IL1R1: variants seen among roughly 807,000 people sequenced by gnomAD.
IL1R1 encodes the protein interleukin 1 receptor type 1.
A neutral mutation model predicts 50.2 loss-of-function variants in IL1R1; 22 were observed. The ratio of observed to expected loss-of-function variants is 0.44; its 90% confidence interval spans 0.31 to 0.63. The LOEUF (loss-of-function observed/expected upper bound fraction) is 0.63. IL1R1 is among the 20% of genes least tolerant of loss of function. IL1R1 has a pLI of 0.07. For synonymous variants in IL1R1, 251 were observed against 236.7 expected, an observed-to-expected ratio of 1.06 and a Z score of -0.55; for missense variants, 509 against 676.2, an observed-to-expected ratio of 0.75 and a Z score of 2.74.
chr2:102,174,972 T>C (rs1003493385), intron 10 of IL1R1, among the ~76,000 whole-genome samples: 17 of 152,206 alleles, frequency 1.1e-4, no homozygotes, highest in Admixed American at 8.5e-4. Context: ...TTAGAGCATC[T>C]GTTTATAAAT....
chr2:102,151,681 G>A (rs1193359870), intron 1 of IL1R1, among the ~76,000 whole-genome samples: 1 of 152,254 alleles, frequency 6.6e-6, no homozygotes, highest in African/African-American at 2.4e-5. Flanking sequence ...TTGCACCAGG[G>A]AGAGCCTGTG....
chr2:102,083,320 G>A (rs1679297801), intron 1 of IL1R1, among the ~76,000 whole-genome samples: 1 of 152,204 alleles, frequency 6.6e-6, no homozygotes, highest in Non-Finnish European at 1.5e-5. Flanking sequence ...TACTGACAGT[G>A]TCTAGAATAG....
chr2:102,107,576 G>A (rs1237288491), intron 1 of IL1R1, among the ~76,000 whole-genome samples: 1 of 151,932 alleles, frequency 6.6e-6, no homozygotes, highest in Non-Finnish European at 1.5e-5. Context: ...CACCAACATG[G>A]CACATGTATA....
rs961682026 is a variant in IL1R1 at position 102,072,226 on chromosome 2, C to T, written c.-84+1693C>T. Among the ~76,000 whole-genome samples, 7 of 150,404 alleles carry T rather than the reference C, an allele frequency of 4.7e-5. No individual in the cohort carries two copies. In the East Asian group the frequency reaches 5.9e-4, roughly 13 times the overall value. On this transcript the variant is annotated intron_variant, in intron 1 of 11. Coordinates refer to the IL1R1 transcript ENST00000409929. ...AGTGAGCCGAGATTGTGCCATTGCACTCCAGCCTGGGTGACAGAGCAAGAC... is the reference window on the plus strand; with the variant it reads ...AGTGAGCCGAGATTGTGCCATTGCATTCCAGCCTGGGTGACAGAGCAAGAC...
chr2:102,073,294 T>G (rs1282073471), intron 1 of IL1R1, among the ~76,000 whole-genome samples: 1 of 152,122 alleles, frequency 6.6e-6, no homozygotes, highest in Non-Finnish European at 1.5e-5. Flanking sequence ...TAGCCTAAAT[T>G]CTACTGGGGG....
chr2:102,088,928 G>A (rs1048761519), intron 1 of IL1R1, among the ~76,000 whole-genome samples: 5 of 152,172 alleles, frequency 3.3e-5, no homozygotes, highest in African/African-American at 4.8e-5. Flanking sequence ...ACCTCTCTCA[G>A]CCTTCCTAAA....
chr2:102,099,663 T>A (rs1015437768), upstream of IL1R1, among the ~76,000 whole-genome samples: 20 of 152,196 alleles, frequency 1.3e-4, no homozygotes, highest in Admixed American at 9.8e-4. Context: ...GATGACCTCC[T>A]TTGTATCAGA....
chr2:102,146,946 C>T (rs1184845146), intron 1 of IL1R1, among the ~76,000 whole-genome samples: 1 of 152,220 alleles, frequency 6.6e-6, no homozygotes, highest in Non-Finnish European at 1.5e-5. Context: ...AGAACCACTG[C>T]TTTCCCTGCA....
chr2:102,101,431 C>T (rs1473737348), upstream of IL1R1, among the ~76,000 whole-genome samples: 1 of 152,202 alleles, frequency 6.6e-6, no homozygotes, highest in East Asian at 1.9e-4. Flanking sequence ...CTCTTAATGA[C>T]CCATAGCATG....
intron 1 of IL1R1, among the ~76,000 whole-genome samples, chr2:102,135,381 C>T (rs1287730771): frequency 6.6e-6 from 1 of 152,036 alleles, no homozygotes; most frequent in Non-Finnish European, 1.5e-5. Context: ...CACTCCTCAC[C>T]CCTACAAAGT....
At chr2:102,113,212 G>T (rs1357363596) in intron 1 of IL1R1, among the ~76,000 whole-genome samples, 1 of 152,194 alleles carries the variant, frequency 6.6e-6, no homozygotes, top group African/African-American at 2.4e-5. Context: ...TAAGTTTCAG[G>T]TCTATTTCCT....
At chr2:102,108,133 T>C (rs1680522761) in intron 1 of IL1R1, among the ~76,000 whole-genome samples, 1 of 152,200 alleles carries the variant, frequency 6.6e-6, no homozygotes, top group South Asian at 2.1e-4. Flanking sequence ...GTGATAAATC[T>C]AACCTTCTAA....
chr2:102,172,926 T>G, intron 9 of IL1R1, 88 bp downstream of exon 9: 2 of 865,972 alleles, frequency 2.3e-6, no homozygotes, highest in South Asian at 3.4e-5. Context: ...TTCCTCTGCT[T>G]AGAACACGCT....
At chr2:102,157,602 G>A in intron 2 of IL1R1, 117 bp from the exon 3 acceptor site, 1 of 694,742 alleles carries the variant, frequency 1.4e-6, no homozygotes, top group South Asian at 1.6e-5. Context: ...CAGTTCATCA[G>A]TGTGACTTGT....
At chr2:102,134,773 T>A (rs917629292) in intron 1 of IL1R1, among the ~76,000 whole-genome samples, 3 of 152,244 alleles carry the variant, frequency 2.0e-5, no homozygotes, top group Admixed American at 2.0e-4. Context: ...CTCCTTCTCT[T>A]GAGACTGCAG....
chr2:102,148,211 A>G (rs1285872145), intron 1 of IL1R1, among the ~76,000 whole-genome samples: 3 of 152,180 alleles, frequency 2.0e-5, no homozygotes, highest in Non-Finnish European at 2.9e-5. Flanking sequence ...TTTGGAACAC[A>G]CTACAGTGGT....
intron 1 of IL1R1, among the ~76,000 whole-genome samples, chr2:102,145,297 A>C (rs1164502001): frequency 2.0e-5 from 3 of 152,120 alleles, no homozygotes; most frequent in Non-Finnish European, 4.4e-5. Flanking sequence ...GCACAAGACA[A>C]GGATCTGCAC....
chr2:102,115,291 T>C (rs1276161304), intron 1 of IL1R1, among the ~76,000 whole-genome samples: 1 of 152,150 alleles, frequency 6.6e-6, no homozygotes, highest in African/African-American at 2.4e-5. Context: ...CTGTCCATAG[T>C]GATTGCCAAA....
intron 1 of IL1R1, among the ~76,000 whole-genome samples, chr2:102,149,362 A>G (rs950308480): frequency 6.6e-6 from 1 of 152,232 alleles, no homozygotes; most frequent in Non-Finnish European, 1.5e-5. Flanking sequence ...TGTAAATCTC[A>G]GATTTGGGGC....
Sources: allele counts gnomAD v4.1 joint callset (sites outside exome capture counted in the v4.1 genomes callset), GRCh38; gene constraint gnomAD v4.1.1; transcripts MANE v1.5; gene names NCBI Gene and HGNC (gene_info 2026-07-23, HGNC 2026-07-21).